The following ABLIM2 variants were observed in gnomAD, a reference collection of about 807,000 sequenced individuals.
ABLIM2 encodes actin-binding LIM protein 2.
Under a neutral mutation model 97.7 loss-of-function variants are expected in ABLIM2, and 53 were observed. That is an observed-to-expected ratio of 0.54 (90% CI 0.44 to 0.68). The LOEUF (loss-of-function observed/expected upper bound fraction) is 0.68, where lower values mean the gene tolerates loss of function less well. ABLIM2 is among the 30% of genes least tolerant of loss of function. The probability of loss-of-function intolerance (pLI) is 0.00; values close to 1 mark genes in which losing one functional copy is unlikely to be tolerated. For missense variants in ABLIM2, 835 were observed against 867.2 expected, an observed-to-expected ratio of 0.96 and a Z score of 0.47; for synonymous variants, 361 against 345.8, an observed-to-expected ratio of 1.04 and a Z score of -0.49.
Position 8,002,301 on chromosome 4 carries a change from G to A in ABLIM2, c.1618+5758C>T, listed in dbSNP as rs533329950. On this transcript the variant is annotated intron_variant, in intron 16 of 20. Transcript: ENST00000447017. The surrounding 1 kb of genome is among the most constrained non-coding windows in gnomAD (Gnocchi z 6.1). ...TCTCTGAATAAAGGTGGCCTCTGCC[G>A]GCCTGCACCAGAGCCAACCCAGTGT... Among the ~76,000 whole-genome samples, 5 of 152,252 alleles carry A rather than the reference G, an allele frequency of 3.3e-5. No homozygotes were observed. Among genetic ancestry groups the A allele is most frequent in the Admixed American group, 1.3e-4 (2 of 15,296 alleles).
intron 8 of ABLIM2, among the ~76,000 whole-genome samples, chr4:8,048,586 G>A (rs535618893): frequency 4.9e-4 from 75 of 152,326 alleles, no homozygotes; most frequent in African/African-American, 1.5e-3. Context: ...ACCGCCCTTG[G>A]CCACCGTGGA....
chr4:8,157,539 G>A (rs1006257106), intron 1 of ABLIM2, among the ~76,000 whole-genome samples: 5 of 152,228 alleles, frequency 3.3e-5, no homozygotes, highest in Non-Finnish European at 5.9e-5. Context: ...GATTGGAGGG[G>A]GAGGGAGACA....
At chr4:8,035,681 C>T (rs1257357286) in intron 10 of ABLIM2, among the ~76,000 whole-genome samples, 2 of 152,238 alleles carry the variant, frequency 1.3e-5, no homozygotes, top group Non-Finnish European at 2.9e-5. Context: ...AATAAATAAT[C>T]TGTGGTTCAA....
intron 20 of ABLIM2, among the ~76,000 whole-genome samples, chr4:7,972,861 C>T (rs1010958746): frequency 6.6e-6 from 1 of 152,144 alleles, no homozygotes; most frequent in African/African-American, 2.4e-5. Context: ...CTATTGTCAC[C>T]CTCAGTCTAC....
intron 10 of ABLIM2, among the ~76,000 whole-genome samples, chr4:8,030,113 C>A (rs1190378953): frequency 6.6e-6 from 1 of 152,196 alleles, no homozygotes; most frequent in Admixed American, 6.5e-5. Context: ...CGCCAGCGCC[C>A]AGCTCTTAGA....
At position 8,113,965 on chromosome 4, in the gene ABLIM2, G is replaced by C. The variant is rs1322526689; in HGVS notation, c.11-7328C>G. Among the ~76,000 whole-genome samples the C allele has an allele frequency of 6.6e-6, 1 of 151,896 alleles. No individual in the cohort carries two copies. The highest frequency in any genetic ancestry group is 1.5e-5 in the Non-Finnish European group (1 of 67,964). On this transcript the variant is annotated intron_variant, in intron 1 of 20. Coordinates refer to ENST00000447017, the MANE Select transcript of ABLIM2 (RefSeq NM_001130083.2). The surrounding 1 kb of genome is among the most constrained non-coding windows in gnomAD (Gnocchi z 4.5). Reference sequence around the variant, plus strand: ...GATGAACCTGTGTACAATCAGGGAGGGCTTCTGGGAGGAGGTGACATAAAC... The same window carrying C: ...GATGAACCTGTGTACAATCAGGGAGCGCTTCTGGGAGGAGGTGACATAAAC...
intron 1 of ABLIM2, among the ~76,000 whole-genome samples, chr4:8,134,054 C>G (rs370131556): frequency 6.6e-6 from 1 of 152,208 alleles, no homozygotes. Flanking sequence ...GCCATGGGCA[C>G]AGGCGGGCGG....
chr4:8,033,451 G>A lies in ABLIM2; in HGVS notation c.1047+2698C>T, dbSNP rs1782269861. ...CCATGGGTGGAATGATGGAATCAAG[G>A]GAGAAACCCTCAGGCTGCTCCCGGC... On this transcript the variant is annotated intron_variant, in intron 10 of 20. Transcript: ENST00000447017. This position sits in a 1 kb window ranked among gnomAD's most constrained non-coding sequence, Gnocchi z 4.5. Among the ~76,000 whole-genome samples, 1 of 152,194 alleles carries A rather than the reference G, an allele frequency of 6.6e-6. No homozygotes were observed. The highest frequency in any genetic ancestry group is 2.4e-5 in the African/African-American group (1 of 41,456).
chr4:8,032,028 A>G lies in ABLIM2; in HGVS notation c.1048-2252T>C, dbSNP rs997064445. On this transcript the variant is annotated intron_variant, in intron 10 of 20. Coordinates refer to ENST00000447017, the MANE Select transcript of ABLIM2 (RefSeq NM_001130083.2). The surrounding 1 kb of genome is among the most constrained non-coding windows in gnomAD (Gnocchi z 4.3). ...AGGTGTGAGCCACCACGCCCAGCCT[A>G]TGAAATGTTTACAATGGCATCAAGC... Among the ~76,000 whole-genome samples the G allele has an allele frequency of 5.3e-5, 8 of 152,038 alleles. No homozygotes were observed. Among genetic ancestry groups the G allele is most frequent in the African/African-American group, 1.9e-4 (8 of 41,398 alleles).
rs1188892497 is a variant in ABLIM2 at position 7,994,741 on chromosome 4, C to T, written c.1619-1814G>A. 2.6e-5 allele frequency among the ~76,000 whole-genome samples: 3 copies of T among 115,896 alleles called. 1 individual carries two copies. The highest frequency in any genetic ancestry group is 9.3e-5 in the Admixed American group (1 of 10,780). 76.0% of individuals were successfully genotyped at this position (115,896 alleles called of 152,430 possible). On this transcript the variant is annotated intron_variant, in intron 16 of 20. Coordinates refer to ENST00000447017, the MANE Select transcript of ABLIM2 (RefSeq NM_001130083.2). ...CAGTGTAAAAGTGTTCCTATTTCTC[C>T]GCATCCTCTCCAGCACCTGTTGTTT...
intron 1 of ABLIM2, among the ~76,000 whole-genome samples, chr4:8,131,868 C>A (rs1236014978): frequency 7.1e-6 from 1 of 140,212 alleles, no homozygotes; most frequent in Non-Finnish European, 1.5e-5. Context: ...CCCGCATCCC[C>A]TGCACAGCAG....
At chr4:7,975,621 T>C (rs1732396190) in intron 20 of ABLIM2, among the ~76,000 whole-genome samples, 1 of 152,344 alleles carries the variant, frequency 6.6e-6, no homozygotes, top group African/African-American at 2.4e-5. Context: ...CTCATCTGAT[T>C]GGGCCTCCAA....
Position 8,027,867 on chromosome 4 carries a change from A to G in ABLIM2, c.1169-10T>C. ...ACACTCACAGTACCAGCTACGGGGT[A>G]ACAGAGAGCAAGTCAGAGTCAACCT... is the stretch of plus-strand genomic sequence containing the variant. On this transcript the variant is annotated splice_polypyrimidine_tract_variant and intron_variant, in intron 11 of 20. Coordinates refer to ENST00000447017, the MANE Select transcript of ABLIM2 (RefSeq NM_001130083.2). 1 of 1,568,284 alleles carries G rather than the reference A, an allele frequency of 6.4e-7. No homozygotes were observed. The highest frequency in any genetic ancestry group is 2.4e-5 in the East Asian group (1 of 42,164).
Position 7,969,355 on chromosome 4 carries a change from G to A in ABLIM2, c.1825-2252C>T, listed in dbSNP as rs58089077. 6.1e-3 allele frequency among the ~76,000 whole-genome samples: 923 copies of A among 152,128 alleles called. 9 individuals carry two copies. The highest frequency in any genetic ancestry group is 0.021 in the African/African-American group (869 of 41,516). ...TGTAGTCCCAGTTACTGAGGAGGCT[G>A]AGGTGGGAGGATCTCTTGAAGCCAG... On this transcript the variant is annotated intron_variant, in intron 20 of 20. Transcript: ENST00000447017.
At chr4:8,109,039 G>A (rs371166511) in intron 1 of ABLIM2, among the ~76,000 whole-genome samples, 1 of 152,248 alleles carries the variant, frequency 6.6e-6, no homozygotes, top group African/African-American at 2.4e-5. Flanking sequence ...ACTCACTGGG[G>A]CCGTCCAGGA....
At chr4:8,064,151 C>A (rs768666455) in intron 6 of ABLIM2, among the ~76,000 whole-genome samples, 2 of 152,230 alleles carry the variant, frequency 1.3e-5, no homozygotes, top group African/African-American at 4.8e-5. Flanking sequence ...GCTCCACAAG[C>A]GAGACATGCT....
chr4:8,037,618 T>C (rs2385907), intron 9 of ABLIM2, among the ~76,000 whole-genome samples: 117,929 of 152,134 alleles, frequency 0.78, 46,378 homozygotes, highest in African/African-American at 0.91. Flanking sequence ...TGCATGCACA[T>C]CTGCCCACAC....
At chr4:8,098,891 T>C (rs577188151) in intron 2 of ABLIM2, among the ~76,000 whole-genome samples, 2 of 152,354 alleles carry the variant, frequency 1.3e-5, no homozygotes, top group South Asian at 4.1e-4. Flanking sequence ...CCAGAGATGC[T>C]GATTCTGAAT....
chr4:8,031,422 G>A (rs557437437), intron 10 of ABLIM2, among the ~76,000 whole-genome samples: 22 of 152,332 alleles, frequency 1.4e-4, no homozygotes, highest in Admixed American at 2.0e-4. Context: ...AAAGATGCCC[G>A]GCCCCAGGCC....
Sources: gnomAD v4.1 joint callset for allele counts (sites outside exome capture counted in the v4.1 genomes callset) on GRCh38, gnomAD v4.1.1 for gene constraint, Gnocchi (gnomAD v3.1) non-coding constraint, MANE v1.5 for transcripts, NCBI Gene and HGNC (gene_info 2026-07-23, HGNC 2026-07-21) for gene names.